The following FMN1 variants were observed in gnomAD, a reference collection of about 807,000 sequenced individuals.
The protein encoded by FMN1 is formin 1, also known as formin-1.
In FMN1, 110 loss-of-function variants were observed where a neutral mutation model predicts 132.4. The ratio of observed to expected loss-of-function variants is 0.83; its 90% confidence interval spans 0.71 to 0.97. The LOEUF (loss-of-function observed/expected upper bound fraction) is 0.97, where lower values mean the gene tolerates loss of function less well. FMN1 is among the 50% of genes least tolerant of loss of function. FMN1 has a pLI of 0.00. For synonymous variants in FMN1, 722 were observed against 651.7 expected (o/e 1.11, Z -1.64); for missense variants, 1,792 against 1,705.3 (o/e 1.05, Z -0.90).
At chr15:32,860,008 T>C (rs2059227695) in intron 16 of FMN1, among the ~76,000 whole-genome samples, 1 of 150,334 alleles carries the variant, frequency 6.7e-6, no homozygotes, top group South Asian at 2.1e-4. Context: ...CTGGCCTGGG[T>C]GATAGAGTGA....
chr15:32,974,366 C>T (rs188827059), intron 7 of FMN1, among the ~76,000 whole-genome samples: 4 of 152,322 alleles, frequency 2.6e-5, no homozygotes, highest in Admixed American at 6.5e-5. Flanking sequence ...CAATTGCTTT[C>T]ATTTTTAATC....
At chr15:32,856,818 T>TTATTTAATA (rs1334522289) in intron 17 of FMN1, among the ~76,000 whole-genome samples, 197 bp downstream of exon 17, 2 of 152,168 alleles carry the variant, frequency 1.3e-5, no homozygotes, top group Non-Finnish European at 2.9e-5. Context: ...TAAACTGGAT[T>TTATTTAATA]TGAAAGGTGA....
At chr15:32,899,270 A>T (rs2060235907) in intron 14 of FMN1, among the ~76,000 whole-genome samples, 1 of 152,142 alleles carries the variant, frequency 6.6e-6, no homozygotes, top group Non-Finnish European at 1.5e-5. Context: ...TCTTTCAAAA[A>T]ATGTGCGTTC....
At chr15:33,007,091 AATGT>A (rs2034459994) in intron 7 of FMN1, among the ~76,000 whole-genome samples, 2 of 152,206 alleles carry the variant, frequency 1.3e-5, no homozygotes, top group Non-Finnish European at 2.9e-5. Flanking sequence ...TATGTGAGGC[AATGT>A]ATGTGAGACA....
intron 15 of FMN1, among the ~76,000 whole-genome samples, chr15:32,896,640 T>TA (rs143193952): frequency 1.2e-4 from 18 of 151,960 alleles, no homozygotes; most frequent in Admixed American, 9.2e-4. Flanking sequence ...TTTAGATACT[T>TA]ATTTAAGTGG....
intron 10 of FMN1, among the ~76,000 whole-genome samples, chr15:32,918,353 A>C (rs2060735714): frequency 6.6e-6 from 1 of 152,196 alleles, no homozygotes; most frequent in South Asian, 2.1e-4. Flanking sequence ...ATCTTATCTA[A>C]ATTGCTAAAT....
At chr15:33,094,808 G>C (rs1457374007) in intron 4 of FMN1, among the ~76,000 whole-genome samples, 1 of 152,166 alleles carries the variant, frequency 6.6e-6, no homozygotes, top group African/African-American at 2.4e-5. Context: ...GGAAACTTAT[G>C]TGTGGCCATA....
chr15:33,002,748 A>G (rs1209261249), intron 7 of FMN1, among the ~76,000 whole-genome samples: 1 of 152,182 alleles, frequency 6.6e-6, no homozygotes, highest in Non-Finnish European at 1.5e-5. Flanking sequence ...AAAAATCTCC[A>G]TATTTTAAAA....
At chr15:33,085,557 A>T (rs1468562463) in intron 5 of FMN1, among the ~76,000 whole-genome samples, 2 of 149,408 alleles carry the variant, frequency 1.3e-5, no homozygotes, top group Non-Finnish European at 3.0e-5. Context: ...AAAATTATAC[A>T]TATATACATA....
chr15:32,830,580 A>T (rs1489988661), intron 17 of FMN1, among the ~76,000 whole-genome samples: 1 of 152,210 alleles, frequency 6.6e-6, no homozygotes, highest in Non-Finnish European at 1.5e-5. Context: ...ACTGCATGGT[A>T]AGTAAAGAGG....
intron 6 of FMN1, chr15:33,012,004 C>T: frequency 4.1e-6 from 1 of 241,412 alleles, no homozygotes. Context: ...GATATTAATG[C>T]TTTCTTAACC....
Position 32,968,796 on chromosome 15 carries a change from G to A in FMN1, c.2905C>T (p.Gln969Ter). ...LFFGLGSSSS[Q>*]CPRKPAIEPS... ...TCGATGGCTGGTTTTCGAGGACATTGACTGGAAGAAGAGCCAAGTCCAAAG... is the reference window on the plus strand; with the variant it reads ...TCGATGGCTGGTTTTCGAGGACATTAACTGGAAGAAGAGCCAAGTCCAAAG... Residue 969 changes from glutamine (Q) to a stop codon, truncating the protein, a stop_gained, in exon 8 of 21, where the codon CAA becomes TAA. Transcript: ENST00000616417. LOFTEE classifies it high-confidence loss of function. 1.9e-6 allele frequency: 3 copies of A among 1,611,984 alleles called. No individual in the cohort carries two copies. Among genetic ancestry groups the A allele is most frequent in the Non-Finnish European group, 2.5e-6 (3 of 1,179,472 alleles).
intron 6 of FMN1, among the ~76,000 whole-genome samples, chr15:33,023,078 GA>G (rs3081422): frequency 8.6e-6 from 1 of 116,066 alleles, no homozygotes; most frequent in South Asian, 2.6e-4. Context: ...AAAAAAAAAA[GA>G]AAAAAAAGAC....
At chr15:32,905,450 C>T (rs1224822055) in intron 12 of FMN1, among the ~76,000 whole-genome samples, 1 of 152,190 alleles carries the variant, frequency 6.6e-6, no homozygotes, top group Non-Finnish European at 1.5e-5. Context: ...GTGTTCTCAC[C>T]CTAGGCCATG....
intron 19 of FMN1, 92 bp from the exon 20 acceptor site, chr15:32,777,011 T>G (rs1210872702): frequency 7.1e-6 from 5 of 702,616 alleles, no homozygotes; most frequent in Admixed American, 2.8e-5. Flanking sequence ...AGGTTAAACA[T>G]AAACCCAAAT....
At chr15:32,955,888 G>A (rs1484220647) in intron 9 of FMN1, among the ~76,000 whole-genome samples, 2 of 152,068 alleles carry the variant, frequency 1.3e-5, no homozygotes, top group East Asian at 1.9e-4. Context: ...TCCCAAAGAC[G>A]CTAACTCTAA....
At chr15:33,029,351 G>A (rs117877616) in intron 6 of FMN1, among the ~76,000 whole-genome samples, 2,346 of 152,140 alleles carry the variant, frequency 0.015, 50 homozygotes, top group South Asian at 0.089. Flanking sequence ...GCCTCTTTAT[G>A]GCTTTTAAAT....
intron 12 of FMN1, among the ~76,000 whole-genome samples, chr15:32,907,031 C>T (rs926628064): frequency 2.0e-5 from 3 of 152,158 alleles, no homozygotes; most frequent in Non-Finnish European, 4.4e-5. Context: ...AATGTCCAGG[C>T]ATCCATGGGG....
intron 15 of FMN1, among the ~76,000 whole-genome samples, chr15:32,895,214 G>A (rs1327359452): frequency 6.6e-6 from 1 of 152,094 alleles, no homozygotes; most frequent in African/African-American, 2.4e-5. Context: ...TGAGATTCAT[G>A]AGTGTGATGG....
Sources: gnomAD v4.1 joint callset for allele counts (sites outside exome capture counted in the v4.1 genomes callset) on GRCh38, gnomAD v4.1.1 for gene constraint, MANE v1.5 for transcripts, NCBI Gene and HGNC (gene_info 2026-07-23, HGNC 2026-07-21) for gene names.